The following EP400 variants were observed in gnomAD, a reference collection of about 807,000 sequenced individuals.
The protein encoded by EP400 is E1A binding protein p400.
A neutral mutation model predicts 354.1 loss-of-function variants in EP400; 105 were observed. That is an observed-to-expected ratio of 0.30 (90% CI 0.25 to 0.35). EP400 has a LOEUF of 0.35. Ranked by LOEUF, EP400 falls within the 10% of genes least tolerant of loss-of-function variation. The pLI is 1.00. For missense variants in EP400, 3,280 were observed against 4,121.0 expected, an observed-to-expected ratio of 0.80 and a Z score of 5.59; for synonymous variants, 1,646 against 1,716.9, an observed-to-expected ratio of 0.96 and a Z score of 1.02.
At chr12:131,951,068 T>G (rs1328450738) in intron 1 of EP400, among the ~76,000 whole-genome samples, 2 of 94,538 alleles carry the variant, frequency 2.1e-5, no homozygotes, top group Admixed American at 2.0e-4. Flanking sequence ...CCTGGCTATT[T>G]TTTTTTTTTT....
chr12:132,060,509 A>G (rs142802852), intron 45 of EP400, among the ~76,000 whole-genome samples: 2 of 152,320 alleles, frequency 1.3e-5, no homozygotes, highest in African/African-American at 4.8e-5. Context: ...TCAGAGGTGG[A>G]GCGGCTCACT....
At chr12:131,991,372 G>A (rs755399460) in intron 9 of EP400, 35 bp from the exon 10 acceptor site, 3 of 1,611,624 alleles carry the variant, frequency 1.9e-6, no homozygotes, top group Admixed American at 3.3e-5. Flanking sequence ...AGCATGGGGG[G>A]CCTTGGGAAC....
intron 1 of EP400, among the ~76,000 whole-genome samples, chr12:131,957,440 C>T (rs1185574422): frequency 2.7e-5 from 4 of 148,074 alleles, no homozygotes; most frequent in Admixed American, 2.7e-4. Context: ...AGTAAATACT[C>T]ACTTTTGTGT....
In EP400 at chr12:132,059,896, G is replaced by A. The variant is rs1054887142; in HGVS notation, c.7885-2214G>A. ...AAATCAGCCAGGTGTGGTGGCACGC[G>A]TGTGTAGTCCCAGCTACTCGGGAGG... On this transcript the variant is annotated intron_variant, in intron 45 of 52. Coordinates refer to ENST00000389561, the MANE Select transcript of EP400 (RefSeq NM_015409.5). Among the ~76,000 whole-genome samples the A allele has an allele frequency of 6.6e-5, 10 of 152,004 alleles. No homozygotes were observed. In the East Asian group the frequency reaches 9.7e-4, roughly 15 times the overall value.
At position 132,013,546 on chromosome 12, in the gene EP400, G is replaced by T; in HGVS notation, c.3668G>T (p.Trp1223Leu). The T allele has an allele frequency of 6.2e-7, 1 of 1,611,878 alleles. No homozygotes were observed. Among genetic ancestry groups the T allele is most frequent in the Non-Finnish European group, 8.5e-7 (1 of 1,179,044 alleles). The change falls in exon 18 of 53, where the codon TGG becomes TTG. Residue 1223 changes from tryptophan to leucine, a missense_variant. Transcript: ENST00000389561. This position sits in a 1 kb window ranked among gnomAD's most constrained non-coding sequence, Gnocchi z 4.5. The stretch of plus-strand genomic sequence containing the variant: ...CTGCACAATACCTTCCTGGAGCTCT[G>T]GACCATGGTGCACTTCCTGGTCCCA... ...SPLHNTFLEL[W>L]TMVHFLVPGI...
At chr12:131,952,032 C>T (rs1444301185) in intron 1 of EP400, among the ~76,000 whole-genome samples, 3 of 151,432 alleles carry the variant, frequency 2.0e-5, no homozygotes, top group Middle Eastern at 3.5e-3. Flanking sequence ...GTGATCTGCC[C>T]GCCTCGGCCT....
In EP400 at chr12:132,044,781, C is replaced by T. The variant is rs777538939; in HGVS notation, c.6631-19C>T. On this transcript the variant is annotated intron_variant, in intron 36 of 52. Coordinates refer to ENST00000389561, the MANE Select transcript of EP400 (RefSeq NM_015409.5). ...TCCTGTGAGTTCCACATCTCATGGG[C>T]CTTCCCTTCTCCATGCAGCTCTGGA... is the stretch of plus-strand genomic sequence containing the variant. The T allele has an allele frequency of 1.3e-5, 21 of 1,613,990 alleles. No individual in the cohort carries two copies. In the Admixed American group the frequency reaches 3.5e-4, roughly 27 times the overall value.
chr12:131,995,912 A>G (rs1893196269), intron 12 of EP400, among the ~76,000 whole-genome samples: 1 of 151,428 alleles, frequency 6.6e-6, no homozygotes, highest in Non-Finnish European at 1.5e-5. Flanking sequence ...GTTCATCCTG[A>G]GTGTGTGAGA....
intron 2 of EP400, 116 bp downstream of exon 2, chr12:131,962,070 G>A (rs1891903899): frequency 7.5e-7 from 1 of 1,338,512 alleles, no homozygotes; most frequent in Non-Finnish European, 9.9e-7. Flanking sequence ...TATTTCTAAG[G>A]TGTTGGGGCA....
chr12:131,956,870 GT>G (rs1484440477), intron 1 of EP400, among the ~76,000 whole-genome samples: 77 of 109,488 alleles, frequency 7.0e-4, no homozygotes, highest in African/African-American at 2.3e-3. Context: ...GTCTTTTTTT[GT>G]CCTTTTTTTT....
At chr12:132,046,854 G>T (rs936175733) in intron 39 of EP400, among the ~76,000 whole-genome samples, 1 of 152,232 alleles carries the variant, frequency 6.6e-6, no homozygotes, top group East Asian at 1.9e-4. Context: ...CCCATTGGGA[G>T]GTGTGCTGCC....
In EP400 at chr12:132,013,760, A is replaced by G; in HGVS notation, c.3787-17A>G. ...AGCATTTTTGGAAAGAAAACAGTAA[A>G]CAGTTTTTATTTTCAGGTGACACAG... On this transcript the variant is annotated splice_polypyrimidine_tract_variant and intron_variant, in intron 18 of 52. Transcript: ENST00000389561. This position sits in a 1 kb window ranked among gnomAD's most constrained non-coding sequence, Gnocchi z 4.5. 6.2e-7 allele frequency: 1 copy of G among 1,612,764 alleles called. No homozygotes were observed. The highest frequency in any genetic ancestry group is 2.2e-5 in the East Asian group (1 of 44,874).
At chr12:132,057,155 C>T (rs1187124036) in intron 45 of EP400, among the ~76,000 whole-genome samples, 1 of 152,236 alleles carries the variant, frequency 6.6e-6, no homozygotes, top group Non-Finnish European at 1.5e-5. Flanking sequence ...CGCAGTTCTG[C>T]TGCTAGGTAC....
At position 132,025,665 on chromosome 12, in the gene EP400, G is replaced by T; in HGVS notation, c.4875G>T (p.Val1625=). The T allele has an allele frequency of 6.2e-7, 1 of 1,607,950 alleles. No homozygotes were observed. The change falls in exon 25 of 53, where the codon GTG becomes GTT. Residue 1625 remains valine (V), a synonymous_variant. Transcript: ENST00000389561. This position sits in a 1 kb window ranked among gnomAD's most constrained non-coding sequence, Gnocchi z 4.1. ...LQLQGSVLQI[V]SAPGQPYLRA... ...TTGCAGGCAGCGTCCTCCAGATCGT[G>T]TCCGCCCCCGGGCAGCCCTACCTTC...
chr12:131,965,390 G>A (rs2136470770), intron 2 of EP400, among the ~76,000 whole-genome samples: 1 of 152,292 alleles, frequency 6.6e-6, no homozygotes, highest in East Asian at 1.9e-4. Context: ...TTACTATAAA[G>A]AATCCATGCT....
intron 12 of EP400, among the ~76,000 whole-genome samples, chr12:131,997,261 GT>G (rs972704181): frequency 2.6e-5 from 4 of 151,282 alleles, no homozygotes; most frequent in East Asian, 3.9e-4. Flanking sequence ...ATTTTATGTG[GT>G]TTTTTTCTTT....
At chr12:132,011,838 C>T (rs906501754) in intron 16 of EP400, among the ~76,000 whole-genome samples, 4 of 152,024 alleles carry the variant, frequency 2.6e-5, no homozygotes, top group South Asian at 2.1e-4. Context: ...AGGAGGGCCA[C>T]GCACTCGCAG....
rs749284192 is a variant in EP400 at position 132,053,396 on chromosome 12, G to T, written c.7527G>T (p.Pro2509=). 3.5e-6 allele frequency: 2 copies of T among 565,878 alleles called. No individual in the cohort carries two copies. Among genetic ancestry groups the T allele is most frequent in the South Asian group, 8.3e-5 (2 of 24,148 alleles). 35.1% of individuals were successfully genotyped at this position (565,878 alleles called of 1,614,324 possible). ...AQQPAVAQPP[P]PQPQPPPPPQ... Reference sequence around the variant, plus strand: ...AGCCGGCCGTGGCCCAGCCACCCCCGCCCCAGCCGCAGCCCCCACCACCCC... The same window carrying T: ...AGCCGGCCGTGGCCCAGCCACCCCCTCCCCAGCCGCAGCCCCCACCACCCC... Residue 2509 remains proline (P), a synonymous_variant, in exon 43 of 53, where the codon CCG becomes CCT. Transcript: ENST00000389561.
intron 1 of EP400, among the ~76,000 whole-genome samples, chr12:131,959,157 CT>C (rs1431218244): frequency 6.6e-6 from 1 of 152,240 alleles, no homozygotes; most frequent in Non-Finnish European, 1.5e-5. Flanking sequence ...AAGAGTCCAT[CT>C]GCTTCCCTTG....
Sources: allele counts gnomAD v4.1 joint callset (sites outside exome capture counted in the v4.1 genomes callset), GRCh38; gene constraint gnomAD v4.1.1; non-coding constraint Gnocchi (gnomAD v3.1); transcripts MANE v1.5; gene names NCBI Gene and HGNC (gene_info 2026-07-23, HGNC 2026-07-21).